The following PAAF1 variants were observed in gnomAD, a reference collection of about 807,000 sequenced individuals.
PAAF1 encodes the protein proteasomal ATPase associated factor 1.
In PAAF1, 46 loss-of-function variants were observed where a neutral mutation model predicts 52.8. The ratio of observed to expected loss-of-function variants is 0.87; its 90% CI spans 0.69 to 1.11. The LOEUF (loss-of-function observed/expected upper bound fraction) is 1.11, where lower values mean the gene tolerates loss of function less well. PAAF1 is among the 50% of genes most tolerant of loss of function. The pLI is 0.00. For synonymous variants in PAAF1, 178 were observed against 172.8 expected, an observed-to-expected ratio of 1.03 and a Z score of -0.24; for missense variants, 424 against 477.4, an observed-to-expected ratio of 0.89 and a Z score of 1.04.
rs771669139 is a variant in PAAF1 at position 73,909,485 on chromosome 11, C to T, written c.619C>T (p.Arg207Cys). ...GACAGCACGACTTTGGGATTGTGGGCGCTCAGCCTGCTTGGGAGTCCTTGC... is the reference window on the plus strand; with the variant it reads ...GACAGCACGACTTTGGGATTGTGGGTGCTCAGCCTGCTTGGGAGTCCTTGC... The part of the protein sequence containing the change: ...DGTARLWDCG[R>C]SACLGVLADC... Residue 207 changes from arginine to cysteine, a missense_variant, in exon 7 of 12, where the codon CGC becomes TGC. By Grantham distance (180) the Arg-to-Cys change is radical. Coordinates refer to ENST00000310571, the MANE Select transcript of PAAF1 (RefSeq NM_025155.3). 61 of 1,614,012 alleles carry T rather than the reference C, an allele frequency of 3.8e-5. No individual in the cohort carries two copies. The highest frequency in any genetic ancestry group is 4.7e-5 in the Non-Finnish European group (55 of 1,180,046).
intron 7 of PAAF1, 42 bp downstream of exon 7, chr11:73,909,635 G>T (rs1238157676): frequency 6.4e-7 from 1 of 1,571,496 alleles, no homozygotes; most frequent in Non-Finnish European, 8.7e-7. Flanking sequence ...ATTTTCTTAG[G>T]CCCCCTTCAG....
intron 11 of PAAF1, among the ~76,000 whole-genome samples, chr11:73,925,893 A>T (rs989331275): frequency 6.6e-6 from 1 of 152,228 alleles, no homozygotes; most frequent in Admixed American, 6.5e-5. Flanking sequence ...TCTTTTCCAG[A>T]AGTAACTAGC....
At chr11:73,880,857 G>T (rs2135122609) in intron 2 of PAAF1, among the ~76,000 whole-genome samples, 1 of 151,804 alleles carries the variant, frequency 6.6e-6, no homozygotes, top group Non-Finnish European at 1.5e-5. Context: ...AAAATTACCT[G>T]GGCGTGGTGG....
chr11:73,897,645 C>A (rs1297725632), intron 4 of PAAF1, among the ~76,000 whole-genome samples: 1 of 150,074 alleles, frequency 6.7e-6, no homozygotes, highest in Non-Finnish European at 1.5e-5. Context: ...GGCAGAGAGG[C>A]TCCTCACTTT....
intron 6 of PAAF1, among the ~76,000 whole-genome samples, chr11:73,903,875 G>C (rs1453194038): frequency 6.6e-6 from 1 of 151,806 alleles, no homozygotes; most frequent in Non-Finnish European, 1.5e-5. Flanking sequence ...CCTGAGGTCA[G>C]GAGTTCAAAA....
intron 4 of PAAF1, among the ~76,000 whole-genome samples, chr11:73,895,666 T>C (rs1344650415): frequency 6.6e-6 from 1 of 152,258 alleles, no homozygotes; most frequent in East Asian, 1.9e-4. Context: ...TTGCTGGGAA[T>C]GTGTCTGGAA....
intron 10 of PAAF1, chr11:73,921,822 T>C: frequency 8.7e-7 from 1 of 1,143,550 alleles, no homozygotes; most frequent in Non-Finnish European, 1.3e-6. Context: ...CATCTTCCTG[T>C]TTGTTTGCAG....
intron 4 of PAAF1, among the ~76,000 whole-genome samples, chr11:73,895,600 G>A (rs928181183): frequency 9.2e-5 from 14 of 152,204 alleles, no homozygotes; most frequent in African/African-American, 3.4e-4. Context: ...TGGAAAGTTG[G>A]ATAATTAAAG....
At chr11:73,901,490 G>C (rs1355226735) in intron 6 of PAAF1, among the ~76,000 whole-genome samples, 1 of 151,960 alleles carries the variant, frequency 6.6e-6, no homozygotes, top group South Asian at 2.1e-4. Context: ...TACATATTGC[G>C]TGTACCACTC....
intron 2 of PAAF1, among the ~76,000 whole-genome samples, chr11:73,881,892 G>T (rs1948918353): frequency 6.7e-6 from 1 of 149,310 alleles, no homozygotes; most frequent in Admixed American, 6.7e-5. Context: ...ATTTTTTTTT[G>T]AGATGGAGCT....
At chr11:73,903,276 C>T (rs1949672414) in intron 6 of PAAF1, among the ~76,000 whole-genome samples, 1 of 152,206 alleles carries the variant, frequency 6.6e-6, no homozygotes, top group South Asian at 2.1e-4. Flanking sequence ...CCCATTCTTC[C>T]ACAGCGTGGC....
Position 73,921,694 on chromosome 11 carries a change from C to T in PAAF1, c.1018+2662C>T. Reference sequence around the variant, plus strand: ...CTTGAAAGACTCTAGCATGAACTGTCTCTTCACAAAACAAGTCCACCACTT... The same window carrying T: ...CTTGAAAGACTCTAGCATGAACTGTTTCTTCACAAAACAAGTCCACCACTT... On this transcript the variant is annotated intron_variant, in intron 10 of 11. Coordinates refer to ENST00000310571, the MANE Select transcript of PAAF1 (RefSeq NM_025155.3). 5 of 864,104 alleles carry T rather than the reference C, an allele frequency of 5.8e-6. 1 individual carries two copies. Among genetic ancestry groups the T allele is most frequent in the Non-Finnish European group, 7.8e-6 (4 of 514,994 alleles). The allele number at this position is 864,104 out of a possible 1,614,324, so 53.5% of individuals were successfully genotyped here.
chr11:73,907,305 G>A (rs964743137), intron 6 of PAAF1, among the ~76,000 whole-genome samples: 1 of 152,086 alleles, frequency 6.6e-6, no homozygotes, highest in Non-Finnish European at 1.5e-5. Context: ...TGAGGGCTGG[G>A]TAGATAAGAA....
At position 73,916,640 on chromosome 11, in the gene PAAF1, G is replaced by C; in HGVS notation, c.915G>C (p.Gln305His). 6.2e-7 allele frequency: 1 copy of C among 1,613,866 alleles called. No homozygotes were observed. Among genetic ancestry groups the C allele is most frequent in the Non-Finnish European group, 8.5e-7 (1 of 1,179,844 alleles). ...LAGTQDGNIY[Q>H]LDVRSPRAPV... ...GGACTCAAGATGGAAACATTTATCA[G>C]CTGGATGTGAGGAGTCCAAGGTGAG... is the stretch of plus-strand genomic sequence containing the variant. The change falls in exon 9 of 12, where the codon CAG becomes CAC. Residue 305 changes from glutamine to histidine, a missense_variant. Transcript: ENST00000310571.
chr11:73,921,891 G>T lies in PAAF1; in HGVS notation c.1019-2724G>T, dbSNP rs535110838. ...GTTCTCCAGGAATGGGAAAGTTAGT[G>T]ATTCCCAGTGTATACATTTCTTTCT... On this transcript the variant is annotated intron_variant, in intron 10 of 11. Coordinates refer to ENST00000310571, the MANE Select transcript of PAAF1 (RefSeq NM_025155.3). 36 of 1,111,706 alleles carry T rather than the reference G, an allele frequency of 3.2e-5. No homozygotes were observed. The African/African-American group carries it at 5.5e-4, about 17-fold the overall frequency. 68.9% of individuals were successfully genotyped at this position (1,111,706 alleles called of 1,614,324 possible). A position where few individuals can be genotyped will look rare whatever the true frequency, so the allele number is the denominator to read the frequency against.
intron 11 of PAAF1, among the ~76,000 whole-genome samples, chr11:73,926,223 C>T (rs1268521787): frequency 6.6e-6 from 1 of 152,140 alleles, no homozygotes; most frequent in Admixed American, 6.5e-5. Context: ...TCTCCTGCCT[C>T]AGCCTCTCGA....
intron 6 of PAAF1, among the ~76,000 whole-genome samples, chr11:73,900,753 C>T (rs972646546): frequency 4.6e-5 from 7 of 151,900 alleles, no homozygotes; most frequent in African/African-American, 1.5e-4. Context: ...GAGGCCGAGG[C>T]GGGCGGATCA....
chr11:73,886,007 A>G (rs1949048706), intron 2 of PAAF1, among the ~76,000 whole-genome samples: 1 of 152,078 alleles, frequency 6.6e-6, no homozygotes, highest in Admixed American at 6.6e-5. Flanking sequence ...CAAGTCAGAC[A>G]TGTAAACAGT....
At chr11:73,896,928 C>A (rs1477613013) in intron 4 of PAAF1, among the ~76,000 whole-genome samples, 3 of 147,468 alleles carry the variant, frequency 2.0e-5, no homozygotes, top group Non-Finnish European at 4.5e-5. Flanking sequence ...GACGGGGGGG[C>A]TGACCCCCCA....
Sources: gnomAD v4.1 joint callset for allele counts (sites outside exome capture counted in the v4.1 genomes callset) on GRCh38, gnomAD v4.1.1 for gene constraint, MANE v1.5 for transcripts, NCBI Gene and HGNC (gene_info 2026-07-23, HGNC 2026-07-21) for gene names.